RYR1: variants seen among roughly 807,000 people sequenced by gnomAD.
RYR1 encodes the protein central core disease of muscle.
RYR1 carries 342 observed loss-of-function variants against 583.5 expected under a neutral mutation model. The ratio of observed to expected loss-of-function variants is 0.59; its 90% CI spans 0.54 to 0.64. The LOEUF (loss-of-function observed/expected upper bound fraction) is 0.64. RYR1 is among the 30% of genes least tolerant of loss of function. The pLI is 0.00. For missense variants in RYR1, 6,032 were observed against 6,917.2 expected (o/e 0.87, Z 4.54); for synonymous variants, 2,791 against 2,822.5 (o/e 0.99, Z 0.35).
chr19:38,451,260 T>C (rs561687914), intron 11 of RYR1, among the ~76,000 whole-genome samples: 2 of 152,244 alleles, frequency 1.3e-5, no homozygotes, highest in South Asian at 2.1e-4. Context: ...AGCAGGTGGA[T>C]GGTGTTTACA....
At chr19:38,476,033 T>G (rs865939524) in intron 29 of RYR1, among the ~76,000 whole-genome samples, 12 of 152,098 alleles carry the variant, frequency 7.9e-5, no homozygotes, top group African/African-American at 2.7e-4. Context: ...TTTTTTCTTT[T>G]TATTTTTGAG....
At chr19:38,511,739 G>A in intron 61 of RYR1, 129 bp downstream of exon 61, 1 of 1,163,456 alleles carries the variant, frequency 8.6e-7, no homozygotes, top group Non-Finnish European at 1.3e-6. Context: ...TGGAGACATG[G>A]ACCAGGTATC....
In RYR1 at chr19:38,517,391, T is replaced by C. The variant is rs979989952; in HGVS notation, c.9718T>C (p.Cys3240Arg). 3 of 1,613,948 alleles carry C rather than the reference T, an allele frequency of 1.9e-6. No individual in the cohort carries two copies. The highest frequency in any genetic ancestry group is 2.5e-6 in the Non-Finnish European group (3 of 1,179,982). The change falls in exon 66 of 106, where the codon TGT becomes CGT. Residue 3240 changes from cysteine to arginine, a missense_variant. Coordinates refer to ENST00000359596, the MANE Select transcript of RYR1 (RefSeq NM_000540.3). ...GCTCCCCAACAGTGTGGAGGAGATG[T>C]GTCCCGACATCCCGGTGCTGGAGCG... ...LGLPNSVEEM[C>R]PDIPVLERLM...
intron 84 of RYR1, among the ~76,000 whole-genome samples, chr19:38,540,889 AGT>A (rs1972161237): frequency 7.3e-6 from 1 of 137,924 alleles, no homozygotes; most frequent in South Asian, 2.5e-4. Flanking sequence ...CATATACTAC[AGT>A]GTAATAAACC....
intron 34 of RYR1, among the ~76,000 whole-genome samples, chr19:38,486,469 G>A (rs1568485857): frequency 6.6e-6 from 1 of 152,116 alleles, no homozygotes; most frequent in African/African-American, 2.4e-5. Flanking sequence ...TCAGCCCCCC[G>A]AGTAGCGGGG....
chr19:38,580,522 C>T lies in RYR1; in HGVS notation c.14646+18C>T, dbSNP rs766140589. 1.6e-5 allele frequency: 26 copies of T among 1,613,774 alleles called. No homozygotes were observed. In the Admixed American group the frequency reaches 4.2e-4, roughly 26 times the overall value. ...TGATGACGGTGAGCCCCTCCCCTAGCACTCTGGGACCCTTCCTTCTCGCAT... is the reference window on the plus strand; with the variant it reads ...TGATGACGGTGAGCCCCTCCCCTAGTACTCTGGGACCCTTCCTTCTCGCAT... On this transcript the variant is annotated intron_variant, in intron 101 of 105. Coordinates refer to ENST00000359596, the MANE Select transcript of RYR1 (RefSeq NM_000540.3).
intron 89 of RYR1, among the ~76,000 whole-genome samples, chr19:38,553,826 C>T (rs1427344909): frequency 2.6e-5 from 4 of 152,104 alleles, no homozygotes; most frequent in Non-Finnish European, 4.4e-5. Flanking sequence ...TTGTTTTTCT[C>T]GTTTTGTACA....
rs1163707542 is a variant in RYR1, at chr19:38,562,916, T to C, written c.12624+1462T>C. On this transcript the variant is annotated intron_variant, in intron 90 of 105. Transcript: ENST00000359596. ...GAACCCTTGAGATCTTGCACACTCA[T>C]CTGTGCCCCTCGGGGCCCCACTGCA... 2.6e-5 allele frequency among the ~76,000 whole-genome samples: 4 copies of C among 152,178 alleles called. No homozygotes were observed. The East Asian group carries it at 7.7e-4, about 29-fold the overall frequency.
chr19:38,478,726 G>T, intron 31 of RYR1, 126 bp downstream of exon 31: 1 of 1,086,962 alleles, frequency 9.2e-7, no homozygotes, highest in East Asian at 2.4e-5. Context: ...CTGTCCTCAA[G>T]AGGTCGCTGG....
chr19:38,490,157 G>A lies in RYR1; in HGVS notation c.5896G>A (p.Val1966Met), dbSNP rs546352424. 1 of 1,614,262 alleles carries A rather than the reference G, an allele frequency of 6.2e-7. No individual in the cohort carries two copies. The highest frequency in any genetic ancestry group is 1.3e-5 in the African/African-American group (1 of 75,074). The change falls in exon 36 of 106, where the codon GTG becomes ATG. Residue 1966 changes from valine to methionine, a missense_variant. By Grantham distance (21) the Val-to-Met change is conservative. Around this residue, in one of 11 missense-constraint regions of RYR1, gnomAD observed 2,627 missense variants for 2,961.3 expected, o/e 0.89. Transcript: ENST00000359596. ...ESLAAFAERY[V>M]DKLQANQRSR... ...CCTGGCAGCCTTTGCGGAGCGCTAT[G>A]TGGACAAGCTCCAGGCCAACCAGCG...
rs541062677 is a variant in RYR1 at position 38,469,582 on chromosome 19, T to C, written c.3765+69T>C. 145 of 1,470,784 alleles carry C rather than the reference T, an allele frequency of 9.9e-5. No individual in the cohort carries two copies. The African/African-American group carries it at 1.8e-3, about 19-fold the overall frequency. 91.1% of individuals were successfully genotyped at this position (1,470,784 alleles called of 1,614,324 possible). ...CTCCTTCCTTCCACAGTGCTCTTCTTTGAGTTTCTCTTTTCCCTCCATGTT... is the reference window on the plus strand; with the variant it reads ...CTCCTTCCTTCCACAGTGCTCTTCTCTGAGTTTCTCTTTTCCCTCCATGTT... On this transcript the variant is annotated intron_variant, in intron 27 of 105. Coordinates refer to ENST00000359596, the MANE Select transcript of RYR1 (RefSeq NM_000540.3).
intron 89 of RYR1, among the ~76,000 whole-genome samples, chr19:38,549,799 G>A (rs2145794748): frequency 6.8e-6 from 1 of 147,982 alleles, no homozygotes; most frequent in East Asian, 2.0e-4. Context: ...TCCGCCTCCT[G>A]GGTTCAAGCG....
chr19:38,489,305 G>A lies in RYR1; in HGVS notation c.5676G>A (p.Lys1892=), dbSNP rs997217990. The A allele has an allele frequency of 1.2e-6, 2 of 1,602,402 alleles. No individual in the cohort carries two copies. Among genetic ancestry groups the A allele is most frequent in the African/African-American group, 2.7e-5 (2 of 74,736 alleles). The change falls in exon 35 of 106, where the codon AAG becomes AAA. Residue 1892 remains lysine (K), a synonymous_variant. Transcript: ENST00000359596. ...GTGAAGAGGAAGATGAGGAGGAGAA[G>A]GAGGAGGATGAGGAGGAAACAGCAC... ...EEGEEEDEEE[K]EEDEEETAQE...
intron 95 of RYR1, 59 bp from the exon 96 acceptor site, chr19:38,573,118 G>A: frequency 3.1e-6 from 5 of 1,609,676 alleles, no homozygotes; most frequent in Non-Finnish European, 4.2e-6. Context: ...GGCTTCTGCT[G>A]AGACTATGGT....
At chr19:38,530,352 C>G (rs773622517) in intron 76 of RYR1, among the ~76,000 whole-genome samples, 8 of 151,926 alleles carry the variant, frequency 5.3e-5, no homozygotes, top group Non-Finnish European at 1.0e-4. Context: ...CACTCCACAT[C>G]ACCCCAGGCT....
intron 89 of RYR1, among the ~76,000 whole-genome samples, chr19:38,558,649 C>T (rs1471137193): frequency 1.3e-5 from 2 of 151,420 alleles, no homozygotes; most frequent in Non-Finnish European, 2.9e-5. Flanking sequence ...CGTGGTAGCA[C>T]ATGCCTGTAA....
At chr19:38,463,948 G>A (rs1967938521) in intron 22 of RYR1, 98 bp downstream of exon 22, 1 of 918,802 alleles carries the variant, frequency 1.1e-6, no homozygotes, top group Non-Finnish European at 1.8e-6. Context: ...CTGAGAGAGA[G>A]AAGGATGGAG....
rs2292799 is a variant in RYR1 at position 38,543,757 on chromosome 19, A to G, written c.11908-14A>G. 0.023 allele frequency: 37,004 copies of G among 1,611,892 alleles called. 828 individuals are homozygous for G. Among genetic ancestry groups the G allele is most frequent in the Admixed American group, 0.099 (5,962 of 59,948 alleles). Reference sequence around the variant, plus strand: ...GGGATTCCCTTCCCCCCCACACGGCACTCTGCCTCCCAGGGTCCCTGCACC... The same window carrying G: ...GGGATTCCCTTCCCCCCCACACGGCGCTCTGCCTCCCAGGGTCCCTGCACC... On this transcript the variant is annotated splice_polypyrimidine_tract_variant and intron_variant, in intron 86 of 105. Coordinates refer to ENST00000359596, the MANE Select transcript of RYR1 (RefSeq NM_000540.3). The surrounding 1 kb of genome is among the most constrained non-coding windows in gnomAD (Gnocchi z 4.4).
rs117954351 is a variant in RYR1 at position 38,452,089 on chromosome 19, G to A, written c.1244+204G>A. Among the ~76,000 whole-genome samples, 7,763 of 129,950 alleles carry A rather than the reference G, an allele frequency of 0.06. 252 individuals are homozygous for A. The highest frequency in any genetic ancestry group is 0.14 in the Middle Eastern group (26 of 186). The allele number at this position is 129,950 out of a possible 152,430, so 85.3% of individuals were successfully genotyped here. On this transcript the variant is annotated intron_variant, in intron 12 of 105. Transcript: ENST00000359596. ...GGATCGCTTGGGCCCAGGAGCTTGA[G>A]ACCAGCCTGGGCAGCATAGGGAGAC...
Sources: gnomAD v4.1 joint callset for allele counts (sites outside exome capture counted in the v4.1 genomes callset) on GRCh38, gnomAD v4.1.1 for gene constraint, gnomAD v4.1.1 regional missense constraint, Gnocchi (gnomAD v3.1) non-coding constraint, MANE v1.5 for transcripts, NCBI Gene and HGNC (gene_info 2026-07-23, HGNC 2026-07-21) for gene names.